Variants in ARHGEF12 observed in about 807,000 individuals in gnomAD.
ARHGEF12 encodes the protein Rho guanine nucleotide exchange factor 12, also known as KMT2A/ARHGEF12 fusion protein.
A neutral mutation model predicts 211.2 loss-of-function variants in ARHGEF12; 66 were observed. The ratio of observed to expected loss-of-function variants is 0.31; its 90% CI spans 0.26 to 0.38. ARHGEF12 has a LOEUF of 0.38. ARHGEF12 is among the 10% of genes least tolerant of loss of function. The probability of loss-of-function intolerance (pLI) is 1.00; values close to 1 mark genes in which losing one functional copy is unlikely to be tolerated. For synonymous variants in ARHGEF12, 592 were observed against 638.4 expected (o/e 0.93, Z 1.09); for missense variants, 1,429 against 1,869.5 (o/e 0.76, Z 4.34).
At chr11:120,445,276 GA>G in intron 15 of ARHGEF12, 145 bp from the exon 16 acceptor site, 2 of 752,858 alleles carry the variant, frequency 2.7e-6, no homozygotes, top group Non-Finnish European at 4.6e-6. Flanking sequence ...CTGGAGTTGT[GA>G]AATGTGAATG....
At chr11:120,340,991 T>C (rs958080652) in intron 1 of ARHGEF12, among the ~76,000 whole-genome samples, 8 of 152,374 alleles carry the variant, frequency 5.3e-5, no homozygotes, top group East Asian at 1.9e-4. Context: ...TACAAAAATA[T>C]GTTAACCTTG....
At chr11:120,424,073 G>A (rs987018464) in intron 6 of ARHGEF12, among the ~76,000 whole-genome samples, 2 of 152,066 alleles carry the variant, frequency 1.3e-5, no homozygotes, top group Non-Finnish European at 2.9e-5. Flanking sequence ...CACCGTGAAC[G>A]ATTTGTAAAT....
In ARHGEF12 at chr11:120,367,353, C is replaced by CTTTTTTTTTTTTTTT. The variant is rs1025919456; in HGVS notation, c.32+30094_32+30108dup. Among the ~76,000 whole-genome samples, 169 of 59,354 alleles carry CTTTTTTTTTTTTTTT rather than the reference C, an allele frequency of 2.8e-3. 45 individuals are homozygous for CTTTTTTTTTTTTTTT. Among genetic ancestry groups the CTTTTTTTTTTTTTTT allele is most frequent in the South Asian group, 6.4e-3 (7 of 1,096 alleles). 38.9% of individuals were successfully genotyped at this position (59,354 alleles called of 152,430 possible). On this transcript the variant is annotated intron_variant, in intron 1 of 40. Coordinates refer to ENST00000397843, the MANE Select transcript of ARHGEF12 (RefSeq NM_015313.3). ...AAAAAATCTGTTAGGATACTTTTTC[C>CTTTTTTTTTTTTTTT]TTTTTTTTTTTTTTTTTTTTTTTTT...
intron 1 of ARHGEF12, among the ~76,000 whole-genome samples, chr11:120,382,685 T>G (rs919191879): frequency 2.0e-5 from 3 of 152,216 alleles, no homozygotes; most frequent in Admixed American, 6.5e-5. Flanking sequence ...TCTATTTCTC[T>G]CTCTCTCTCA....
At chr11:120,371,061 G>C (rs1451684400) in intron 1 of ARHGEF12, among the ~76,000 whole-genome samples, 2 of 152,074 alleles carry the variant, frequency 1.3e-5, no homozygotes, top group African/African-American at 4.8e-5. Flanking sequence ...CTTTTATACT[G>C]TCTACCTCAC....
chr11:120,352,640 A>G (rs924581234), intron 1 of ARHGEF12, among the ~76,000 whole-genome samples: 2 of 152,158 alleles, frequency 1.3e-5, no homozygotes, highest in Non-Finnish European at 2.9e-5. Context: ...TGGGTGGGGA[A>G]AGGGGTGTGT....
At chr11:120,445,018 AT>A (rs1946002008) in intron 15 of ARHGEF12, among the ~76,000 whole-genome samples, 1 of 152,230 alleles carries the variant, frequency 6.6e-6, no homozygotes, top group Non-Finnish European at 1.5e-5. Flanking sequence ...AAGAAAAATC[AT>A]GGCTATATGT....
At chr11:120,387,267 G>A (rs528767876) in intron 1 of ARHGEF12, among the ~76,000 whole-genome samples, 7 of 151,812 alleles carry the variant, frequency 4.6e-5, no homozygotes, top group African/African-American at 1.4e-4. Flanking sequence ...GTGATAGAGT[G>A]CATATCATCT....
At chr11:120,458,861 GT>G (rs1337948552) in intron 25 of ARHGEF12, 1 of 174,202 alleles carries the variant, frequency 5.7e-6, no homozygotes, top group East Asian at 1.5e-4. Context: ...GCTATATGAT[GT>G]TGGGGCTTAC....
intron 1 of ARHGEF12, among the ~76,000 whole-genome samples, chr11:120,358,963 T>C (rs1943204924): frequency 6.6e-6 from 1 of 152,096 alleles, no homozygotes; most frequent in East Asian, 1.9e-4. Context: ...TTACTCATGC[T>C]GGTCAAGTGA....
chr11:120,407,753 G>A lies in ARHGEF12; in HGVS notation c.72G>A (p.Leu24=), dbSNP rs1944753379. The change falls in exon 3 of 41, where the codon TTG becomes TTA. Residue 24 remains leucine, a synonymous_variant. Transcript: ENST00000397843. The part of the protein sequence containing the change: ...LKKPIRHGSI[L]NRESPTDKKQ... The stretch of plus-strand genomic sequence containing the variant: ...TTTAATTTAGGCATGGAAGTATTTT[G>A]AACCGAGAGTCACCAACAGATAAGA... The A allele has an allele frequency of 2.5e-6, 4 of 1,613,244 alleles. No individual in the cohort carries two copies. Among genetic ancestry groups the A allele is most frequent in the Non-Finnish European group, 3.4e-6 (4 of 1,179,630 alleles).
At chr11:120,464,801 A>T in intron 27 of ARHGEF12, 1 of 156,622 alleles carries the variant, frequency 6.4e-6, no homozygotes, top group Non-Finnish European at 1.4e-5. Flanking sequence ...TGAGGTCAGG[A>T]GTTTGAGAAC....
At chr11:120,445,509 A>C in intron 16 of ARHGEF12, 45 bp downstream of exon 16, 1 of 1,576,250 alleles carries the variant, frequency 6.3e-7, no homozygotes, top group Non-Finnish European at 8.7e-7. Flanking sequence ...ATCTTAATAG[A>C]TATGTAGCTC....
chr11:120,365,945 G>A (rs770409804), intron 1 of ARHGEF12: 2 of 152,196 alleles, frequency 1.3e-5, no homozygotes, highest in Non-Finnish European at 2.9e-5. Flanking sequence ...ATAAGACTTT[G>A]AAGAAAAGGT....
intron 11 of ARHGEF12, among the ~76,000 whole-genome samples, chr11:120,432,480 A>G (rs1278332841): frequency 1.3e-5 from 2 of 152,234 alleles, no homozygotes; most frequent in Non-Finnish European, 2.9e-5. Flanking sequence ...ATGAATACCT[A>G]AAAGCTAAGT....
intron 15 of ARHGEF12, among the ~76,000 whole-genome samples, 163 bp downstream of exon 15, chr11:120,442,365 T>C (rs1945895711): frequency 1.3e-5 from 2 of 151,682 alleles, no homozygotes; most frequent in African/African-American, 4.8e-5. Context: ...TTTTATCATT[T>C]CTAAAGTAGT....
intron 1 of ARHGEF12, among the ~76,000 whole-genome samples, chr11:120,353,950 T>C (rs1700890791): frequency 6.6e-6 from 1 of 152,178 alleles, no homozygotes; most frequent in Admixed American, 6.5e-5. Flanking sequence ...AACCCTGTGC[T>C]GGGTGATGCT....
chr11:120,421,738 T>C lies in ARHGEF12; in HGVS notation c.299-65T>C, dbSNP rs995351505. The C allele has an allele frequency of 2.7e-6, 4 of 1,456,130 alleles. No homozygotes were observed. The African/African-American group carries it at 4.2e-5, about 15-fold the overall frequency. The allele number at this position is 1,456,130 out of a possible 1,614,324, so 90.2% of individuals were successfully genotyped here. A position where few individuals can be genotyped will look rare whatever the true frequency, so the allele number is the denominator to read the frequency against. ...TTTAACCAGTTTGTTATACTGTCTC[T>C]CTGTCAGGAAGATGATCAGTAAATG... is the stretch of plus-strand genomic sequence containing the variant. On this transcript the variant is annotated intron_variant, in intron 5 of 40. Transcript: ENST00000397843.
chr11:120,399,377 T>G (rs1944494619), intron 1 of ARHGEF12, among the ~76,000 whole-genome samples: 2 of 135,216 alleles, frequency 1.5e-5, no homozygotes, highest in South Asian at 4.5e-4. Flanking sequence ...TAGATCTATG[T>G]CTAGTTAATT....
Sources: gnomAD v4.1 joint callset for allele counts (sites outside exome capture counted in the v4.1 genomes callset) on GRCh38, gnomAD v4.1.1 for gene constraint, MANE v1.5 for transcripts, NCBI Gene and HGNC (gene_info 2026-07-23, HGNC 2026-07-21) for gene names.